The following TMEM117 variants were observed in gnomAD, a reference collection of about 807,000 sequenced individuals.
TMEM117 encodes transmembrane protein 117.
TMEM117 carries 27 observed loss-of-function variants against 52.4 expected under a neutral mutation model. The observed-to-expected ratio is 0.51, with a 90% CI of 0.38 to 0.71. TMEM117 has a LOEUF of 0.71. Ranked by LOEUF, TMEM117 falls within the 30% of genes least tolerant of loss-of-function variation. The probability of loss-of-function intolerance (pLI) is 0.00; values close to 1 mark genes in which losing one functional copy is unlikely to be tolerated. For synonymous variants in TMEM117, 215 were observed against 206.3 expected, an observed-to-expected ratio of 1.04 and a Z score of -0.36; for missense variants, 556 against 630.5, an observed-to-expected ratio of 0.88 and a Z score of 1.26.
At chr12:44,263,076 A>G (rs998040648) in intron 5 of TMEM117, among the ~76,000 whole-genome samples, 2 of 152,234 alleles carry the variant, frequency 1.3e-5, no homozygotes, top group Non-Finnish European at 2.9e-5. Flanking sequence ...ACAGACAGGC[A>G]ATGACATTTA....
intron 6 of TMEM117, among the ~76,000 whole-genome samples, chr12:44,340,060 G>A (rs896402029): frequency 6.6e-6 from 1 of 152,010 alleles, no homozygotes; most frequent in Non-Finnish European, 1.5e-5. Context: ...TTAGGATAGA[G>A]ATTTGGAACA....
intron 6 of TMEM117, among the ~76,000 whole-genome samples, chr12:44,349,241 T>C (rs148368313): frequency 1.3e-5 from 2 of 152,114 alleles, no homozygotes; most frequent in African/African-American, 4.8e-5. Context: ...AATTCTTTTC[T>C]GTGAAAGGTA....
chr12:43,844,797 A>T lies in TMEM117; in HGVS notation c.146A>T (p.Asn49Ile). 1 of 1,614,130 alleles carries T rather than the reference A, an allele frequency of 6.2e-7. No homozygotes were observed. ...QTEANVIVVG[N>I]CFSFVTNKYP... Reference sequence around the variant, plus strand: ...GAAGCCAATGTTATTGTTGTTGGAAACTGTTTTTCATTTGTTACAAATAAA... The same window carrying T: ...GAAGCCAATGTTATTGTTGTTGGAATCTGTTTTTCATTTGTTACAAATAAA... Residue 49 changes from asparagine (N) to isoleucine (I), a missense_variant, in exon 2 of 8, where the codon AAC (asparagine) becomes ATC (isoleucine). Around this residue, in one of 3 missense-constraint regions of TMEM117, gnomAD observed 328 missense variants for 371.4 expected, o/e 0.88. Transcript: ENST00000266534.
At chr12:44,115,528 A>G (rs1313894152) in intron 3 of TMEM117, among the ~76,000 whole-genome samples, 2 of 150,344 alleles carry the variant, frequency 1.3e-5, no homozygotes, top group Non-Finnish European at 1.5e-5. Flanking sequence ...TCTAAGACTC[A>G]AATAGTATGG....
intron 6 of TMEM117, among the ~76,000 whole-genome samples, chr12:44,374,251 G>A (rs1161199397): frequency 6.6e-6 from 1 of 152,136 alleles, no homozygotes; most frequent in Non-Finnish European, 1.5e-5. Context: ...AATCAGAGTA[G>A]TAGAGAGAGA....
At chr12:44,083,354 C>G (rs1472594368) in intron 3 of TMEM117, among the ~76,000 whole-genome samples, 2 of 149,874 alleles carry the variant, frequency 1.3e-5, no homozygotes, top group African/African-American at 4.9e-5. Context: ...ACCCTTGATC[C>G]ATATCCTCAC....
intron 4 of TMEM117, among the ~76,000 whole-genome samples, chr12:44,147,801 A>G (rs1442548563): frequency 1.3e-5 from 2 of 151,986 alleles, no homozygotes; most frequent in African/African-American, 4.8e-5. Context: ...ATATAGTGGC[A>G]CATGCCTGCA....
intron 6 of TMEM117, among the ~76,000 whole-genome samples, chr12:44,340,431 AT>A (rs1461720462): frequency 1.3e-5 from 2 of 152,114 alleles, no homozygotes; most frequent in Non-Finnish European, 2.9e-5. Flanking sequence ...AAACACTGTG[AT>A]TTGGCTATGC....
intron 3 of TMEM117, among the ~76,000 whole-genome samples, chr12:44,075,757 G>A (rs1947372108): frequency 1.3e-5 from 2 of 152,092 alleles, no homozygotes; most frequent in African/African-American, 4.8e-5. Context: ...GTGCCTTGGG[G>A]TATAGGGGGG....
intron 2 of TMEM117, among the ~76,000 whole-genome samples, chr12:43,880,016 A>C (rs1943868652): frequency 6.6e-6 from 1 of 152,220 alleles, no homozygotes; most frequent in Non-Finnish European, 1.5e-5. Context: ...ATATAAATTA[A>C]AGCTTTCTTC....
chr12:43,987,225 A>G (rs192570738), intron 3 of TMEM117, among the ~76,000 whole-genome samples: 1 of 152,306 alleles, frequency 6.6e-6, no homozygotes, highest in Non-Finnish European at 1.5e-5. Flanking sequence ...CTGCCAGTCA[A>G]GGAGAGAGCC....
At chr12:44,393,330 C>G (rs558906803), downstream of TMEM117, among the ~76,000 whole-genome samples, 1 of 152,098 alleles carries the variant, frequency 6.6e-6, no homozygotes, top group South Asian at 2.1e-4. Context: ...TTTATAGATA[C>G]TCCTTGCTCT....
At chr12:44,268,070 T>A (rs1164162144) in intron 5 of TMEM117, among the ~76,000 whole-genome samples, 1 of 152,184 alleles carries the variant, frequency 6.6e-6, no homozygotes, top group Non-Finnish European at 1.5e-5. Context: ...TTAATGATTT[T>A]TATAAAGGTT....
At chr12:44,137,074 C>G (rs954923039) in intron 3 of TMEM117, among the ~76,000 whole-genome samples, 28 of 147,684 alleles carry the variant, frequency 1.9e-4, no homozygotes, top group Non-Finnish European at 3.1e-4. Context: ...ATACTATACC[C>G]TGGGCCAAGA....
chr12:44,142,131 CA>C (rs1295912545), intron 3 of TMEM117, among the ~76,000 whole-genome samples: 1 of 152,128 alleles, frequency 6.6e-6, no homozygotes. Flanking sequence ...ATCTCAATTT[CA>C]TATTGTGAAT....
chr12:44,235,401 C>A (rs1344913091), intron 5 of TMEM117, among the ~76,000 whole-genome samples: 2 of 150,780 alleles, frequency 1.3e-5, no homozygotes, highest in Non-Finnish European at 3.0e-5. Flanking sequence ...GGACATTTGG[C>A]CCATGTGCAT....
chr12:44,071,491 A>G (rs1211193205), intron 3 of TMEM117, among the ~76,000 whole-genome samples: 1 of 152,244 alleles, frequency 6.6e-6, no homozygotes, highest in Non-Finnish European at 1.5e-5. Flanking sequence ...ACTACATTTA[A>G]TCTTTATAAC....
At chr12:44,232,297 T>G (rs1263697344) in intron 5 of TMEM117, among the ~76,000 whole-genome samples, 1 of 151,612 alleles carries the variant, frequency 6.6e-6, no homozygotes, top group Non-Finnish European at 1.5e-5. Flanking sequence ...TGTTAAGTGG[T>G]TGCAGCAGAA....
chr12:44,095,509 G>T (rs1947743211), intron 3 of TMEM117, among the ~76,000 whole-genome samples: 1 of 152,040 alleles, frequency 6.6e-6, no homozygotes, highest in Admixed American at 6.6e-5. Context: ...GAAGATATGT[G>T]TTTAGTTGAA....
Sources: gnomAD v4.1 joint callset for allele counts (sites outside exome capture counted in the v4.1 genomes callset) on GRCh38, gnomAD v4.1.1 for gene constraint, gnomAD v4.1.1 regional missense constraint, MANE v1.5 for transcripts, NCBI Gene and HGNC (gene_info 2026-07-23, HGNC 2026-07-21) for gene names.